The following ST8SIA1 variants were observed in gnomAD, a reference collection of about 807,000 sequenced individuals.
ST8SIA1 encodes alpha-N-acetylneuraminide alpha-2,8-sialyltransferase.
A neutral mutation model predicts 35.9 loss-of-function variants in ST8SIA1; 16 were observed. The ratio of observed to expected loss-of-function variants is 0.45; its 90% CI spans 0.30 to 0.68. The LOEUF (loss-of-function observed/expected upper bound fraction) is 0.68, where lower values mean the gene tolerates loss of function less well. Among genes scored for constraint, ST8SIA1 ranks in the 30% least tolerant of loss-of-function variants. The probability of loss-of-function intolerance (pLI) is 0.09; values close to 1 mark genes in which losing one functional copy is unlikely to be tolerated. For synonymous variants in ST8SIA1, 170 were observed against 169.6 expected, an observed-to-expected ratio of 1.00 and a Z score of -0.02; for missense variants, 383 against 453.6, an observed-to-expected ratio of 0.84 and a Z score of 1.41.
At chr12:22,271,584 C>G (rs1359241813) in intron 2 of ST8SIA1, among the ~76,000 whole-genome samples, 1 of 152,168 alleles carries the variant, frequency 6.6e-6, no homozygotes, top group East Asian at 1.9e-4. Context: ...ATTACCTCTA[C>G]AGTTATTGAA....
chr12:22,333,521 G>A (rs1375654001), intron 1 of ST8SIA1, among the ~76,000 whole-genome samples: 2 of 152,178 alleles, frequency 1.3e-5, no homozygotes, highest in Non-Finnish European at 2.9e-5. Context: ...TGCGGGATCC[G>A]TCCATGTTTC....
chr12:22,295,339 A>G (rs1196254526), intron 1 of ST8SIA1, among the ~76,000 whole-genome samples: 1 of 152,168 alleles, frequency 6.6e-6, no homozygotes, highest in African/African-American at 2.4e-5. Flanking sequence ...AAATTGATAC[A>G]TGATAGATTA....
chr12:22,307,621 T>C (rs1866401537), intron 1 of ST8SIA1, among the ~76,000 whole-genome samples: 1 of 152,166 alleles, frequency 6.6e-6, no homozygotes, highest in Non-Finnish European at 1.5e-5. Context: ...CAGAACTGAC[T>C]TCCTTTTACT....
chr12:22,319,742 C>T (rs1866560571), intron 1 of ST8SIA1, among the ~76,000 whole-genome samples: 1 of 152,148 alleles, frequency 6.6e-6, no homozygotes, highest in Non-Finnish European at 1.5e-5. Flanking sequence ...CTTCCCTCCC[C>T]TGAAGAAGAG....
intron 2 of ST8SIA1, among the ~76,000 whole-genome samples, chr12:22,274,594 T>C (rs1291450622): frequency 6.6e-6 from 1 of 152,146 alleles, no homozygotes; most frequent in Non-Finnish European, 1.5e-5. Flanking sequence ...ACCAATATTG[T>C]GGCTTGACTT....
At chr12:22,329,285 A>G (rs185791794) in intron 1 of ST8SIA1, among the ~76,000 whole-genome samples, 1 of 152,286 alleles carries the variant, frequency 6.6e-6, no homozygotes, top group East Asian at 1.9e-4. Context: ...GATCTGTCTA[A>G]ACCTCCATAT....
At chr12:22,325,503 A>G in intron 1 of ST8SIA1, 1 of 701,818 alleles carries the variant, frequency 1.4e-6, no homozygotes, top group African/African-American at 1.7e-5. Context: ...CGATTCCTTC[A>G]AAACTCATTA....
Position 22,195,959 on chromosome 12 carries a change from A to G in ST8SIA1, c.*5593T>C, listed in dbSNP as rs1458768327. ...ATCAAAAGAAAGTTTAATTACATAGAAGCAGAAAGAGGCAGGATCAATATA... is the reference window on the plus strand; with the variant it reads ...ATCAAAAGAAAGTTTAATTACATAGGAGCAGAAAGAGGCAGGATCAATATA... On this transcript the variant is annotated 3_prime_UTR_variant, in exon 5 of 5. Coordinates refer to ENST00000396037, the MANE Select transcript of ST8SIA1 (RefSeq NM_003034.4). 1 of 152,230 alleles carries G rather than the reference A, an allele frequency of 6.6e-6. No homozygotes were observed. The highest frequency in any genetic ancestry group is 1.5e-5 in the Non-Finnish European group (1 of 68,042). 9.4% of individuals were successfully genotyped at this position (152,230 alleles called of 1,614,324 possible).
chr12:22,250,463 T>C (rs1865656293), intron 3 of ST8SIA1, among the ~76,000 whole-genome samples: 1 of 152,242 alleles, frequency 6.6e-6, no homozygotes, highest in Non-Finnish European at 1.5e-5. Flanking sequence ...GCGCCTATAG[T>C]TTCCATTATG....
intron 1 of ST8SIA1, among the ~76,000 whole-genome samples, chr12:22,309,919 C>T (rs1866429467): frequency 6.6e-6 from 1 of 152,140 alleles, no homozygotes; most frequent in African/African-American, 2.4e-5. Flanking sequence ...TCAAAACAAT[C>T]CTATGAATTA....
rs963879895 is a variant in ST8SIA1 at position 22,200,453 on chromosome 12, T to C, written c.*1099A>G. On this transcript the variant is annotated 3_prime_UTR_variant, in exon 5 of 5. Coordinates refer to ENST00000396037, the MANE Select transcript of ST8SIA1 (RefSeq NM_003034.4). ...ATGCATACATGTTAAGCCTTTTACA[T>C]TTTTAATGGTATACTAGTAAAAATG... 2 of 152,240 alleles carry C rather than the reference T, an allele frequency of 1.3e-5. No individual in the cohort carries two copies. The highest frequency in any genetic ancestry group is 2.9e-5 in the Non-Finnish European group (2 of 68,040). 9.4% of individuals were successfully genotyped at this position (152,240 alleles called of 1,614,324 possible).
chr12:22,283,541 C>T (rs907341757), intron 2 of ST8SIA1, among the ~76,000 whole-genome samples: 2 of 152,180 alleles, frequency 1.3e-5, no homozygotes, highest in African/African-American at 4.8e-5. Context: ...TCACACCGTC[C>T]TCCCCAAATA....
At chr12:22,215,012 T>A (rs890320377) in intron 4 of ST8SIA1, among the ~76,000 whole-genome samples, 4 of 152,176 alleles carry the variant, frequency 2.6e-5, no homozygotes, top group African/African-American at 4.8e-5. Flanking sequence ...GTAGAAGACA[T>A]AGCCCTCCTG....
intron 2 of ST8SIA1, among the ~76,000 whole-genome samples, chr12:22,265,162 T>A (rs972317546): frequency 1.3e-5 from 2 of 152,210 alleles, no homozygotes; most frequent in African/African-American, 4.8e-5. Context: ...ACAAAGACTG[T>A]GTCTATACTT....
intron 1 of ST8SIA1, among the ~76,000 whole-genome samples, chr12:22,306,131 T>C (rs1383808216): frequency 1.3e-5 from 2 of 152,168 alleles, no homozygotes; most frequent in East Asian, 1.9e-4. Context: ...CTGCTTGAGT[T>C]CTCCTGCCTT....
At chr12:22,309,297 C>T (rs1201389696) in intron 1 of ST8SIA1, among the ~76,000 whole-genome samples, 1 of 152,186 alleles carries the variant, frequency 6.6e-6, no homozygotes, top group East Asian at 1.9e-4. Context: ...AACTCCACCA[C>T]TGATGTCCAA....
intron 2 of ST8SIA1, chr12:22,286,362 A>C: frequency 6.0e-6 from 3 of 496,068 alleles, no homozygotes; most frequent in Non-Finnish European, 1.2e-5. Flanking sequence ...AGACACATGA[A>C]AGATTCAGTC....
chr12:22,265,921 C>T (rs61921821), intron 2 of ST8SIA1, among the ~76,000 whole-genome samples: 8,191 of 152,106 alleles, frequency 0.054, 327 homozygotes, highest in East Asian at 0.15. Context: ...TTCCCTTGCC[C>T]ACAGACAAAA....
At chr12:22,264,682 C>T (rs2418056) in intron 2 of ST8SIA1, among the ~76,000 whole-genome samples, 234 of 151,990 alleles carry the variant, frequency 1.5e-3, no homozygotes, top group African/African-American at 5.0e-3. Flanking sequence ...CTTTAAAAAA[C>T]GTTACACATA....
Sources: allele counts gnomAD v4.1 joint callset (sites outside exome capture counted in the v4.1 genomes callset), GRCh38; gene constraint gnomAD v4.1.1; transcripts MANE v1.5; gene names NCBI Gene and HGNC (gene_info 2026-07-23, HGNC 2026-07-21).